ACTR5: variants seen among roughly 807,000 people sequenced by gnomAD.
ACTR5 encodes actin related protein 5, also known as actin-related protein 5.
A neutral mutation model predicts 61.2 loss-of-function variants in ACTR5; 43 were observed. That is an observed-to-expected ratio of 0.70 (90% CI 0.55 to 0.91). The LOEUF is 0.91. Ranked by LOEUF, ACTR5 falls within the 40% of genes least tolerant of loss-of-function variation. The probability of loss-of-function intolerance (pLI) is 0.00; values close to 1 mark genes in which losing one functional copy is unlikely to be tolerated. For missense variants in ACTR5, 798 were observed against 782.2 expected, an observed-to-expected ratio of 1.02 and a Z score of -0.24; for synonymous variants, 333 against 310.5, an observed-to-expected ratio of 1.07 and a Z score of -0.76.
In ACTR5 at chr20:38,765,452, G is replaced by C; in HGVS notation, c.1227G>C (p.Met409Ile). ...CGTCTTTGGAAGATGTGGAAAGCATGAATGATTTTGATCCCTTGTTTTCAG... is the reference window on the plus strand; with the variant it reads ...CGTCTTTGGAAGATGTGGAAAGCATCAATGATTTTGATCCCTTGTTTTCAG... ...LEPSLEDVESMNDFDPLFSEE... is the reference protein window; with the variant it reads ...LEPSLEDVESINDFDPLFSEE... The change falls in exon 6 of 9, where the codon ATG (methionine) becomes ATC (isoleucine). Residue 409 changes from methionine to isoleucine, a missense_variant. Met to Ile is a conservative substitution (Grantham distance 10). Transcript: ENST00000243903. The C allele has an allele frequency of 1.9e-6, 3 of 1,614,182 alleles. No individual in the cohort carries two copies. The highest frequency in any genetic ancestry group is 1.1e-5 in the South Asian group (1 of 91,090).
At chr20:38,755,279 T>A (rs1164944213) in intron 4 of ACTR5, 105 bp downstream of exon 4, 1 of 1,294,056 alleles carries the variant, frequency 7.7e-7, no homozygotes, top group African/African-American at 1.5e-5. Flanking sequence ...TGACTGTTTG[T>A]CACCTTTGGG....
chr20:38,753,873 CTTTTTTTTT>C (rs71330446), intron 3 of ACTR5, among the ~76,000 whole-genome samples: 1 of 116,774 alleles, frequency 8.6e-6, no homozygotes, highest in Admixed American at 8.5e-5. Flanking sequence ...GTTATTCGAG[CTTTTTTTTT>C]TTTTTTTTAA....
intron 7 of ACTR5, 143 bp from the exon 8 acceptor site, chr20:38,767,321 A>G (rs2084492570): frequency 3.8e-6 from 3 of 789,152 alleles, no homozygotes; most frequent in Admixed American, 3.3e-5. Context: ...ACACAAATGA[A>G]AAATGAAAGT....
intron 5 of ACTR5, chr20:38,761,866 G>C (rs2077981316): frequency 6.6e-6 from 1 of 152,272 alleles, no homozygotes; most frequent in Non-Finnish European, 1.5e-5. Context: ...GTTGAGATTA[G>C]AAAGGAGACT....
chr20:38,759,801 G>A (rs557182177), intron 5 of ACTR5, among the ~76,000 whole-genome samples: 1 of 152,302 alleles, frequency 6.6e-6, no homozygotes, highest in African/African-American at 2.4e-5. Flanking sequence ...AGCGTAGCAG[G>A]TATGGTGGTA....
At chr20:38,752,045 G>T (rs571304530) in intron 2 of ACTR5, 86 bp from the exon 3 acceptor site, 59 of 1,444,926 alleles carry the variant, frequency 4.1e-5, no homozygotes, top group Non-Finnish European at 5.5e-5. Flanking sequence ...TTCTTTATCT[G>T]CCTTAAATTA....
At position 38,748,526 on chromosome 20, in the gene ACTR5, C is replaced by A. The variant is rs986801341; in HGVS notation, c.48C>A (p.Asp16Glu). ...TCCGCGACGCCCGTGCCGCACCGGACCCAGTGCTGGAGGCCGGCCCGGTGG... is the reference window on the plus strand; with the variant it reads ...TCCGCGACGCCCGTGCCGCACCGGAACCAGTGCTGGAGGCCGGCCCGGTGG... The part of the protein sequence containing the change: ...FPFRDARAAP[D>E]PVLEAGPVAH... Residue 16 changes from aspartate to glutamate, a missense_variant, in exon 1 of 9, where the codon GAC becomes GAA. By Grantham distance (45) the Asp-to-Glu change is conservative (BLOSUM62 2). Coordinates refer to ENST00000243903, the MANE Select transcript of ACTR5 (RefSeq NM_024855.4). 6.6e-7 allele frequency: 1 copy of A among 1,506,640 alleles called. No individual in the cohort carries two copies. The highest frequency in any genetic ancestry group is 1.5e-5 in the African/African-American group (1 of 68,716). The allele number at this position is 1,506,640 out of a possible 1,614,324, so 93.3% of individuals were successfully genotyped here.
In ACTR5 at chr20:38,750,256, G is replaced by T. The variant is rs920367948; in HGVS notation, c.605+17G>T. On this transcript the variant is annotated intron_variant, in intron 2 of 8. Transcript: ENST00000243903. ...AGAAGGGAGGTGAGTTGCACTTGTG[G>T]CATTTGAGTGCGATTTTGAGAAGCA... is the stretch of plus-strand genomic sequence containing the variant. 5 of 1,598,168 alleles carry T rather than the reference G, an allele frequency of 3.1e-6. No homozygotes were observed. The highest frequency in any genetic ancestry group is 3.4e-6 in the Non-Finnish European group (4 of 1,167,648).
intron 5 of ACTR5, among the ~76,000 whole-genome samples, chr20:38,760,323 C>T (rs1205706381): frequency 6.6e-6 from 1 of 152,070 alleles, no homozygotes; most frequent in Non-Finnish European, 1.5e-5. Context: ...ACCCATCAGT[C>T]TTATGAGCCT....
intron 3 of ACTR5, among the ~76,000 whole-genome samples, chr20:38,754,148 A>C (rs985152963): frequency 2.0e-5 from 3 of 152,196 alleles, no homozygotes; most frequent in Non-Finnish European, 2.9e-5. Context: ...TCAGTTGTCA[A>C]ATAGGTTTTA....
chr20:38,753,390 T>G (rs187909868), intron 3 of ACTR5, among the ~76,000 whole-genome samples: 2 of 150,496 alleles, frequency 1.3e-5, no homozygotes, highest in East Asian at 3.9e-4. Context: ...ACTGATACAC[T>G]CAACAACTTG....
At chr20:38,762,012 A>T (rs1480790601) in intron 5 of ACTR5, among the ~76,000 whole-genome samples, 1 of 152,238 alleles carries the variant, frequency 6.6e-6, no homozygotes, top group Admixed American at 6.5e-5. Context: ...TACAAAAACC[A>T]TTCCAAACTT....
At chr20:38,767,735 T>G in intron 8 of ACTR5, 139 bp downstream of exon 8, 1 of 966,612 alleles carries the variant, frequency 1.0e-6, no homozygotes, top group Non-Finnish European at 1.5e-6. Context: ...TGCTTAATTT[T>G]TAAAGCAAAA....
At chr20:38,749,378 G>A (rs977956655) in intron 1 of ACTR5, among the ~76,000 whole-genome samples, 1 of 152,170 alleles carries the variant, frequency 6.6e-6, no homozygotes, top group Non-Finnish European at 1.5e-5. Context: ...AAGGAAAAAC[G>A]GTCCAGGCAG....
rs1383067983 is a variant in ACTR5 at position 38,752,227 on chromosome 20, G to A, written c.702G>A (p.Leu234=). Residue 234 remains leucine (L), a synonymous_variant, in exon 3 of 9, where the codon CTG becomes CTA. Transcript: ENST00000243903. The part of the protein sequence containing the change: ...RLLQLKYPGH[L]AAITLSRMEE... The stretch of plus-strand genomic sequence containing the variant: ...TCCAGCTGAAGTACCCTGGGCACCT[G>A]GCAGCCATCACCCTCAGCCGCATGG... 1.2e-5 allele frequency: 20 copies of A among 1,613,974 alleles called. No individual in the cohort carries two copies. The highest frequency in any genetic ancestry group is 1.7e-5 in the Admixed American group (1 of 59,996).
intron 5 of ACTR5, among the ~76,000 whole-genome samples, chr20:38,763,676 A>G (rs961950777): frequency 6.6e-6 from 1 of 152,204 alleles, no homozygotes; most frequent in Non-Finnish European, 1.5e-5. Flanking sequence ...TGGGCAAGTT[A>G]CTTCACCTCT....
Position 38,767,583 on chromosome 20 carries a change from G to T in ACTR5, c.1553G>T (p.Arg518Leu). The change falls in exon 8 of 9, where the codon CGG becomes CTG. Residue 518 changes from arginine (R) to leucine (L), a missense_variant. Physicochemically the swap from Arg to Leu is moderately radical, Grantham distance 102 (BLOSUM62 -2). Coordinates refer to ENST00000243903, the MANE Select transcript of ACTR5 (RefSeq NM_024855.4). Reference protein sequence around the residue: ...EKELLEMRPFRSSFQVQLASN... With the variant: ...EKELLEMRPFLSSFQVQLASN... Reference sequence around the variant, plus strand: ...GAACTGTTGGAGATGAGACCCTTCCGGTCTTCTTTTCAGGTACTGATTGTT... The same window carrying T: ...GAACTGTTGGAGATGAGACCCTTCCTGTCTTCTTTTCAGGTACTGATTGTT... 6.2e-7 allele frequency: 1 copy of T among 1,612,070 alleles called. No individual in the cohort carries two copies. Among genetic ancestry groups the T allele is most frequent in the East Asian group, 2.2e-5 (1 of 44,850 alleles).
intron 5 of ACTR5, among the ~76,000 whole-genome samples, chr20:38,757,684 C>G (rs556428374): frequency 1.8e-4 from 28 of 151,864 alleles, no homozygotes; most frequent in African/African-American, 6.3e-4. Flanking sequence ...GAGGCTCGCT[C>G]AAGGTTCTGC....
Position 38,755,067 on chromosome 20 carries a change from G to A in ACTR5, c.886G>A (p.Glu296Lys). The change falls in exon 4 of 9, where the codon GAA (glutamate) becomes AAA (lysine). Residue 296 changes from glutamate (E) to lysine (K), a missense_variant. Coordinates refer to ENST00000243903, the MANE Select transcript of ACTR5 (RefSeq NM_024855.4). The stretch of plus-strand genomic sequence containing the variant: ...CACTCTGACCTCTGAGGAGAAACAA[G>A]AAAGGCGGCAGCAGCAATTGCGGCG... ...GSTLTSEEKQ[E>K]RRQQQLRRLQ... 1 of 1,614,270 alleles carries A rather than the reference G, an allele frequency of 6.2e-7. No individual in the cohort carries two copies. Among genetic ancestry groups the A allele is most frequent in the Non-Finnish European group, 8.5e-7 (1 of 1,180,048 alleles).
Sources: gnomAD v4.1 joint callset for allele counts (sites outside exome capture counted in the v4.1 genomes callset) on GRCh38, gnomAD v4.1.1 for gene constraint, MANE v1.5 for transcripts, NCBI Gene and HGNC (gene_info 2026-07-23, HGNC 2026-07-21) for gene names.